The following FMN1 variants were observed in gnomAD, a reference collection of about 807,000 sequenced individuals.
FMN1 encodes the protein formin 1.
A neutral mutation model predicts 132.4 loss-of-function variants in FMN1; 110 were observed. That is an observed-to-expected ratio of 0.83 (90% CI 0.71 to 0.97). The LOEUF is 0.97. Ranked by LOEUF, FMN1 falls within the 50% of genes least tolerant of loss-of-function variation. FMN1 has a pLI of 0.00. For synonymous variants in FMN1, 722 were observed against 651.7 expected (o/e 1.11, Z -1.64); for missense variants, 1,792 against 1,705.3 (o/e 1.05, Z -0.90).
intron 6 of FMN1, among the ~76,000 whole-genome samples, chr15:33,048,381 T>C (rs1389447471): frequency 6.6e-6 from 1 of 151,824 alleles, no homozygotes; most frequent in Non-Finnish European, 1.5e-5. Context: ...GTAAAATAAC[T>C]GGTTATTTAA....
At chr15:32,850,923 G>C (rs1248965963) in intron 17 of FMN1, among the ~76,000 whole-genome samples, 1 of 152,040 alleles carries the variant, frequency 6.6e-6, no homozygotes, top group Non-Finnish European at 1.5e-5. Flanking sequence ...GCCAGGCGTG[G>C]TGGCAGGTGC....
chr15:32,788,974 A>T (rs1417739923), intron 19 of FMN1, among the ~76,000 whole-genome samples: 2 of 152,230 alleles, frequency 1.3e-5, no homozygotes, highest in Non-Finnish European at 2.9e-5. Flanking sequence ...AGCAACCCAT[A>T]TGGGATACAT....
intron 17 of FMN1, among the ~76,000 whole-genome samples, chr15:32,848,316 C>CGA (rs2141248240): frequency 6.7e-6 from 1 of 148,644 alleles, no homozygotes. Context: ...GGAGGGGTTC[C>CGA]AGCAGGTTCA....
intron 4 of FMN1, among the ~76,000 whole-genome samples, chr15:33,096,000 C>CAA (rs5811732): frequency 0.011 from 1,404 of 130,900 alleles, 28 homozygotes; most frequent in African/African-American, 0.035. Flanking sequence ...AGGTAAATAC[C>CAA]AAAAAAAAAA....
At chr15:33,093,717 A>C (rs1296838212) in intron 4 of FMN1, among the ~76,000 whole-genome samples, 1 of 152,216 alleles carries the variant, frequency 6.6e-6, no homozygotes, top group Non-Finnish European at 1.5e-5. Context: ...AAAGATGGAC[A>C]GGCGGAAGGT....
At chr15:33,044,066 G>A (rs924432486) in intron 6 of FMN1, among the ~76,000 whole-genome samples, 2 of 152,112 alleles carry the variant, frequency 1.3e-5, no homozygotes, top group Non-Finnish European at 2.9e-5. Flanking sequence ...CCAAGCCCAG[G>A]CATTGTCATA....
chr15:33,161,640 T>C (rs2140301248), intron 3 of FMN1, among the ~76,000 whole-genome samples: 1 of 152,150 alleles, frequency 6.6e-6, no homozygotes, highest in South Asian at 2.1e-4. Flanking sequence ...AAAGGAAGGC[T>C]GGGCGCAGTG....
chr15:32,950,018 CATATATATATATAT>C (rs369942861), intron 9 of FMN1, among the ~76,000 whole-genome samples: 4 of 3,932 alleles, frequency 1.0e-3, no homozygotes, highest in African/African-American at 1.9e-3. Context: ...TATATATACA[CATATATATATATAT>C]ACACATATAT....
At chr15:33,036,265 G>A (rs528892785) in intron 6 of FMN1, among the ~76,000 whole-genome samples, 2 of 152,128 alleles carry the variant, frequency 1.3e-5, no homozygotes, top group South Asian at 4.2e-4. Flanking sequence ...AAGAGAGCCT[G>A]GTGTGTAGGA....
chr15:33,115,875 TCTC>T (rs2039904364), intron 4 of FMN1, among the ~76,000 whole-genome samples: 1 of 152,156 alleles, frequency 6.6e-6, no homozygotes, highest in African/African-American at 2.4e-5. Context: ...TGAGAGGAAT[TCTC>T]CACCACCTTT....
At chr15:33,093,395 G>T (rs900227096) in intron 4 of FMN1, among the ~76,000 whole-genome samples, 2 of 152,294 alleles carry the variant, frequency 1.3e-5, no homozygotes, top group Admixed American at 1.3e-4. Flanking sequence ...CAGCAATCTA[G>T]ATGTACAGCT....
intron 9 of FMN1, among the ~76,000 whole-genome samples, chr15:32,956,249 G>A (rs999564117): frequency 2.6e-5 from 4 of 152,044 alleles, no homozygotes; most frequent in African/African-American, 9.7e-5. Flanking sequence ...TCCAGATCAA[G>A]TTACTGTTGA....
chr15:32,861,582 C>A (rs935738407), intron 16 of FMN1, among the ~76,000 whole-genome samples: 1 of 152,182 alleles, frequency 6.6e-6, no homozygotes, highest in Non-Finnish European at 1.5e-5. Context: ...CTGGCACTCA[C>A]AAGCAGGCTC....
At chr15:33,058,711 T>C (rs1222656017) in intron 6 of FMN1, among the ~76,000 whole-genome samples, 1 of 152,232 alleles carries the variant, frequency 6.6e-6, no homozygotes, top group Non-Finnish European at 1.5e-5. Context: ...CTCTACTTTA[T>C]TGTTCAGGTC....
intron 12 of FMN1, among the ~76,000 whole-genome samples, chr15:32,907,348 A>T (rs1416774681): frequency 6.6e-6 from 1 of 152,124 alleles, no homozygotes; most frequent in African/African-American, 2.4e-5. Context: ...TTAGATTCTC[A>T]TAAGGAGCGT....
chr15:32,972,541 T>C (rs1312636567), intron 7 of FMN1, among the ~76,000 whole-genome samples: 1 of 152,128 alleles, frequency 6.6e-6, no homozygotes, highest in East Asian at 1.9e-4. Flanking sequence ...TTGTTAAGAG[T>C]TGACTGTTGC....
At chr15:33,114,131 T>G (rs1317512293) in intron 4 of FMN1, among the ~76,000 whole-genome samples, 4 of 152,206 alleles carry the variant, frequency 2.6e-5, no homozygotes, top group Non-Finnish European at 5.9e-5. Flanking sequence ...TGTTCTGCCG[T>G]CAAGGTCCTA....
At position 32,999,429 on chromosome 15, in the gene FMN1, G is replaced by T. The variant is rs565892653; in HGVS notation, c.2223+8585C>A. 4.6e-5 allele frequency among the ~76,000 whole-genome samples: 7 copies of T among 152,330 alleles called. No individual in the cohort carries two copies. In the South Asian group the frequency reaches 1.5e-3, roughly 32 times the overall value. ...AATGTGTTGGCCACAGTAAAATGAG[G>T]AAGTCTACAAGTCTTAATGGAGGCC... is the stretch of plus-strand genomic sequence containing the variant. On this transcript the variant is annotated intron_variant, in intron 7 of 20. Coordinates refer to ENST00000616417, the MANE Select transcript of FMN1 (RefSeq NM_001277313.2).
At chr15:32,842,829 A>G (rs948429081) in intron 17 of FMN1, among the ~76,000 whole-genome samples, 6 of 150,250 alleles carry the variant, frequency 4.0e-5, no homozygotes, top group Non-Finnish European at 7.4e-5. Flanking sequence ...CCAAGCTCAG[A>G]AAGGTAGGGG....
Sources: gnomAD v4.1 joint callset for allele counts (sites outside exome capture counted in the v4.1 genomes callset) on GRCh38, gnomAD v4.1.1 for gene constraint, MANE v1.5 for transcripts, NCBI Gene and HGNC (gene_info 2026-07-23, HGNC 2026-07-21) for gene names.